Variants in LRRC40 observed in about 807,000 individuals in gnomAD.
LRRC40 encodes leucine rich repeat containing 40.
A neutral mutation model predicts 72.8 loss-of-function variants in LRRC40; 76 were observed. The observed-to-expected ratio is 1.04, with a 90% confidence interval of 0.87 to 1.26. The LOEUF is 1.26. Ranked by LOEUF, LRRC40 falls within the 50% of genes most tolerant of loss-of-function variation. The probability of loss-of-function intolerance (pLI) is 0.00; values close to 1 mark genes in which losing one functional copy is unlikely to be tolerated. For missense variants in LRRC40, 684 were observed against 698.9 expected (o/e 0.98, Z 0.24); for synonymous variants, 243 against 254.2 (o/e 0.96, Z 0.42).
At chr1:70,199,504 C>T (rs1031187794) in intron 1 of LRRC40, among the ~76,000 whole-genome samples, 2 of 152,152 alleles carry the variant, frequency 1.3e-5, no homozygotes, top group African/African-American at 2.4e-5. Context: ...CTCTGCCACC[C>T]GTGAGAAAGC....
rs569702133 is a variant in LRRC40 at position 70,148,739 on chromosome 1, T to C, written c.1518-67A>G. Reference sequence around the variant, plus strand: ...GACCAAAATCATTCCTTAAAACATATTATCTTAAATTTGACATGACAGTTT... The same window carrying C: ...GACCAAAATCATTCCTTAAAACATACTATCTTAAATTTGACATGACAGTTT... On this transcript the variant is annotated intron_variant, in intron 13 of 14. Coordinates refer to ENST00000370952, the MANE Select transcript of LRRC40 (RefSeq NM_017768.5). 4.2e-6 allele frequency: 4 copies of C among 958,246 alleles called. No individual in the cohort carries two copies. In the South Asian group the frequency reaches 8.8e-5, roughly 21 times the overall value. The allele number at this position is 958,246 out of a possible 1,614,324, so 59.4% of individuals were successfully genotyped here. A position where few individuals can be genotyped will look rare whatever the true frequency, so the allele number is the denominator to read the frequency against.
rs1389018887 is a variant in LRRC40 at position 70,205,374 on chromosome 1, T to C, written c.151+16A>G. The C allele has an allele frequency of 6.4e-7, 1 of 1,565,614 alleles. No individual in the cohort carries two copies. Among genetic ancestry groups the C allele is most frequent in the East Asian group, 2.3e-5 (1 of 43,874 alleles). ...TCTGACAGGAGACACAATAGGGTCG[T>C]ACCTCTGGGTCTTACCTTCACTGAG... On this transcript the variant is annotated intron_variant, in intron 1 of 14. Coordinates refer to ENST00000370952, the MANE Select transcript of LRRC40 (RefSeq NM_017768.5).
intron 11 of LRRC40, among the ~76,000 whole-genome samples, chr1:70,153,032 A>C (rs895334878): frequency 5.3e-5 from 8 of 152,290 alleles, no homozygotes; most frequent in Non-Finnish European, 8.8e-5. Flanking sequence ...ATCAAGGTTT[A>C]TAGTTTTATT....
intron 12 of LRRC40, among the ~76,000 whole-genome samples, chr1:70,152,101 T>C (rs967557330): frequency 5.3e-5 from 8 of 152,170 alleles, no homozygotes; most frequent in Non-Finnish European, 1.0e-4. Flanking sequence ...TTTTATACTA[T>C]TTACTTTCAG....
chr1:70,193,765 C>T (rs75002571), intron 1 of LRRC40, among the ~76,000 whole-genome samples: 4 of 151,842 alleles, frequency 2.6e-5, no homozygotes, highest in Non-Finnish European at 4.4e-5. Context: ...TGATCCAGTG[C>T]GAGTTATCTT....
intron 4 of LRRC40, among the ~76,000 whole-genome samples, chr1:70,181,866 CT>C (rs1221729844): frequency 2.6e-5 from 4 of 151,576 alleles, no homozygotes; most frequent in Admixed American, 2.6e-4. Flanking sequence ...TTTAAGAGAA[CT>C]TTTTTTTGAA....
At chr1:70,156,331 C>T (rs1310015274) in intron 10 of LRRC40, among the ~76,000 whole-genome samples, 1 of 151,980 alleles carries the variant, frequency 6.6e-6, no homozygotes, top group Non-Finnish European at 1.5e-5. Context: ...ACCAATTTCT[C>T]TCTCCTTTAG....
intron 9 of LRRC40, among the ~76,000 whole-genome samples, chr1:70,161,104 C>A (rs1329594094): frequency 7.0e-6 from 1 of 143,808 alleles, no homozygotes; most frequent in South Asian, 2.2e-4. Flanking sequence ...TTTTTTTTTT[C>A]TGAGAGGGAG....
At chr1:70,182,841 G>A (rs1395444436) in intron 4 of LRRC40, among the ~76,000 whole-genome samples, 2 of 152,182 alleles carry the variant, frequency 1.3e-5, no homozygotes, top group Admixed American at 6.5e-5. Context: ...ATTTGATACT[G>A]AGTCTGTAGA....
chr1:70,186,147 G>C (rs2100321837), intron 3 of LRRC40, among the ~76,000 whole-genome samples: 1 of 152,280 alleles, frequency 6.6e-6, no homozygotes, highest in Non-Finnish European at 1.5e-5. Context: ...ACTGGGGAGA[G>C]AGATAATTTT....
At chr1:70,158,539 ATC>A (rs1667690148) in intron 10 of LRRC40, among the ~76,000 whole-genome samples, 1 of 152,186 alleles carries the variant, frequency 6.6e-6, no homozygotes, top group Non-Finnish European at 1.5e-5. Flanking sequence ...ACTACCTTCA[ATC>A]TCTGCATAGG....
chr1:70,154,506 A>G, intron 11 of LRRC40, among the ~76,000 whole-genome samples: 1 of 152,204 alleles, frequency 6.6e-6, no homozygotes, highest in East Asian at 1.9e-4. Flanking sequence ...ATTCTATCAA[A>G]TATCCTCTCA....
At chr1:70,164,954 T>C (rs1440753932) in intron 9 of LRRC40, among the ~76,000 whole-genome samples, 1 of 152,212 alleles carries the variant, frequency 6.6e-6, no homozygotes, top group Non-Finnish European at 1.5e-5. Context: ...GAAGGTTTAA[T>C]ACTATTTAGA....
chr1:70,159,429 G>A lies in LRRC40; in HGVS notation c.1121C>T (p.Pro374Leu). The stretch of plus-strand genomic sequence containing the variant: ...CTCAGTAGCAGACTCACTTTGGCTA[G>A]GTCCATCATCTGGCAAAAGAAAACT... ...YLRSKIKDDG[P>L]SQSESATETA... The change falls in exon 10 of 15, where the codon CCT becomes CTT. Residue 374 changes from proline to leucine, a missense_variant. By Grantham distance (98) the Pro-to-Leu change is moderately conservative. Transcript: ENST00000370952. 2 of 1,567,198 alleles carry A rather than the reference G, an allele frequency of 1.3e-6. No individual in the cohort carries two copies. The highest frequency in any genetic ancestry group is 1.7e-6 in the Non-Finnish European group (2 of 1,144,832).
intron 1 of LRRC40, among the ~76,000 whole-genome samples, chr1:70,197,133 G>A (rs1168233395): frequency 1.4e-5 from 2 of 147,996 alleles, no homozygotes; most frequent in African/African-American, 5.0e-5. Context: ...TGTGGTTAAA[G>A]TAACTGATGA....
At chr1:70,158,285 T>C (rs1667684978) in intron 10 of LRRC40, among the ~76,000 whole-genome samples, 1 of 151,938 alleles carries the variant, frequency 6.6e-6, no homozygotes, top group South Asian at 2.1e-4. Context: ...AAATGTGAAA[T>C]GGAGACTGTA....
chr1:70,157,464 T>C (rs1667664223), intron 10 of LRRC40, among the ~76,000 whole-genome samples: 1 of 152,250 alleles, frequency 6.6e-6, no homozygotes, highest in Non-Finnish European at 1.5e-5. Flanking sequence ...TCTAAGATTA[T>C]GCTTTTGTGA....
At chr1:70,187,144 T>C in intron 3 of LRRC40, 121 bp downstream of exon 3, 1 of 543,408 alleles carries the variant, frequency 1.8e-6, no homozygotes, top group Non-Finnish European at 3.3e-6. Flanking sequence ...AAAATTCTTA[T>C]TCTGCTTTAA....
intron 13 of LRRC40, among the ~76,000 whole-genome samples, chr1:70,149,536 A>G (rs573982573): frequency 1.3e-5 from 2 of 152,182 alleles, no homozygotes; most frequent in Non-Finnish European, 2.9e-5. Flanking sequence ...ACCTGATAAC[A>G]CGGAAGTTTA....
Sources: allele counts gnomAD v4.1 joint callset (sites outside exome capture counted in the v4.1 genomes callset), GRCh38; gene constraint gnomAD v4.1.1; transcripts MANE v1.5; gene names NCBI Gene and HGNC (gene_info 2026-07-23, HGNC 2026-07-21).